Variants in NEXMIF observed in about 807,000 individuals in gnomAD.
NEXMIF encodes the protein neurite extension and migration factor, also known as XLMR protein related to neurite extension.
NEXMIF carries 8 observed loss-of-function variants against 62.1 expected under a neutral mutation model. The observed-to-expected ratio is 0.13, with a 90% CI of 0.08 to 0.23. The LOEUF is 0.23. NEXMIF is among the 10% of genes least tolerant of loss of function. NEXMIF has a pLI of 1.00. For missense variants in NEXMIF, 976 were observed against 1,113.3 expected (o/e 0.88, Z 1.75); for synonymous variants, 404 against 416.6 (o/e 0.97, Z 0.37).
At chrX:74,844,574 C>T (rs2080485273) in intron 1 of NEXMIF, among the ~76,000 whole-genome samples, 1 of 111,369 alleles carries the variant, frequency 9.0e-6, no homozygotes, top group Non-Finnish European at 1.9e-5. Flanking sequence ...ACACCTAATA[C>T]AGGGGGGCTA....
intron 1 of NEXMIF, among the ~76,000 whole-genome samples, chrX:74,898,409 G>A (rs1045077561): frequency 1.8e-5 from 2 of 111,551 alleles, no homozygotes; most frequent in Admixed American, 1.9e-4. Context: ...TCAAAAACAA[G>A]GAAAGCCTGA....
At chrX:74,853,878 A>G (rs772578257) in intron 1 of NEXMIF, among the ~76,000 whole-genome samples, 1 of 112,075 alleles carries the variant, frequency 8.9e-6, no homozygotes, top group East Asian at 2.8e-4. Context: ...CCAAGATTGA[A>G]TCAGGAAGAA....
chrX:74,835,018 T>C (rs12853772), intron 1 of NEXMIF, among the ~76,000 whole-genome samples: 1 of 111,914 alleles, frequency 8.9e-6, no homozygotes, highest in Non-Finnish European at 1.9e-5. Flanking sequence ...TCGTCTACTG[T>C]GTATTGTCAA....
chrX:74,921,119 C>T, intron 1 of NEXMIF, among the ~76,000 whole-genome samples: 1 of 111,427 alleles, frequency 9.0e-6, no homozygotes, highest in Non-Finnish European at 1.9e-5. Flanking sequence ...GCTTCTTTTC[C>T]ACCAGAGAAG....
intron 1 of NEXMIF, among the ~76,000 whole-genome samples, chrX:74,922,337 G>GGTGT (rs3040908): frequency 5.1e-4 from 51 of 100,588 alleles, no homozygotes; most frequent in East Asian, 3.2e-3. Flanking sequence ...GGGTGTTATG[G>GGTGT]GTGTGTGTGT....
intron 1 of NEXMIF, among the ~76,000 whole-genome samples, chrX:74,801,856 A>G (rs992534011): frequency 8.9e-6 from 1 of 111,737 alleles, no homozygotes; most frequent in African/African-American, 3.3e-5. Context: ...GTCTGAAACC[A>G]GGTAGTATTC....
rs980098452 is a variant in NEXMIF, at chrX:74,820,811, G to A, written c.-47-75114C>T. Among the ~76,000 whole-genome samples, 4 of 111,542 alleles carry A rather than the reference G, an allele frequency of 3.6e-5. No homozygotes were observed. The East Asian group carries it at 8.5e-4, about 24-fold the overall frequency. ...ACCACATATTCTCACTTACAAGTGG[G>A]AGCTAAACACATGGACATAAAGACG... On this transcript the variant is annotated intron_variant, in intron 1 of 3. Transcript: ENST00000055682.
At chrX:74,762,212 C>A (rs967353019) in intron 1 of NEXMIF, among the ~76,000 whole-genome samples, 1 of 105,565 alleles carries the variant, frequency 9.5e-6, no homozygotes, top group South Asian at 4.6e-4. Context: ...TGAGAACATG[C>A]GGTGTTTGGT....
At chrX:74,755,893 T>A (rs755001868) in intron 1 of NEXMIF, among the ~76,000 whole-genome samples, 47 of 110,215 alleles carry the variant, frequency 4.3e-4, no homozygotes, top group African/African-American at 1.3e-3. Flanking sequence ...AAATTAAAAA[T>A]TTTTTTTTTG....
At position 74,736,697 on chromosome X, in the gene NEXMIF, A is replaced by G. The variant is rs769676863; in HGVS notation, c.*2708T>C. The G allele has an allele frequency of 8.9e-6, 1 of 111,869 alleles. No homozygotes were observed. Among genetic ancestry groups the G allele is most frequent in the South Asian group, 3.8e-4 (1 of 2,638 alleles). 9.2% of individuals were successfully genotyped at this position (111,869 alleles called of 1,213,427 possible). ...ATTAAATGCAATTAAGAGAATAAAC[A>G]TCTTCTGCCTCGGCCTATTGCTCAT... is the stretch of plus-strand genomic sequence containing the variant. On this transcript the variant is annotated 3_prime_UTR_variant, in exon 4 of 4. Transcript: ENST00000055682.
chrX:74,741,311 T>C lies in NEXMIF; in HGVS notation c.3246A>G (p.Gln1082=), dbSNP rs2080102474. 1.7e-6 allele frequency: 2 copies of C among 1,209,023 alleles called. No homozygotes were observed. The highest frequency in any genetic ancestry group is 2.2e-6 in the Non-Finnish European group (2 of 894,988). ...SPPDTPSLSP[Q]ITRCESMKTL... ...TCTTCATACTCTCACATCTGGTAAT[T>C]TGAGGGGAAAGACTAGGGGTGTCCG... The change falls in exon 3 of 4, where the codon CAA becomes CAG. Residue 1082 remains glutamine (Q), a synonymous_variant. Coordinates refer to ENST00000055682, the MANE Select transcript of NEXMIF (RefSeq NM_001008537.3).
In NEXMIF at chrX:74,735,191, A is replaced by C. The variant is rs757650463; in HGVS notation, c.*4214T>G. On this transcript the variant is annotated 3_prime_UTR_variant, in exon 4 of 4. Coordinates refer to ENST00000055682, the MANE Select transcript of NEXMIF (RefSeq NM_001008537.3). ...CCCTAAATGAAAATGGTTACTCCTTAAATTAGATAATTTCTCAATAATAAA... is the reference window on the plus strand; with the variant it reads ...CCCTAAATGAAAATGGTTACTCCTTCAATTAGATAATTTCTCAATAATAAA... The C allele has an allele frequency of 8.9e-6, 1 of 112,105 alleles. No homozygotes were observed. Among genetic ancestry groups the C allele is most frequent in the Admixed American group, 9.5e-5 (1 of 10,473 alleles). The allele number at this position is 112,105 out of a possible 1,213,427, so 9.2% of individuals were successfully genotyped here. A position where few individuals can be genotyped will look rare whatever the true frequency, so the allele number is the denominator to read the frequency against.
chrX:74,784,146 G>A (rs1370774099), intron 1 of NEXMIF, among the ~76,000 whole-genome samples: 1 of 111,516 alleles, frequency 9.0e-6, no homozygotes. Flanking sequence ...TTCACTGTTG[G>A]TATTAGTTAC....
intron 1 of NEXMIF, among the ~76,000 whole-genome samples, chrX:74,829,006 C>A (rs144601657): frequency 0.024 from 2,635 of 111,706 alleles, 28 homozygotes; most frequent in Non-Finnish European, 0.039. Context: ...TAGGTCTAAG[C>A]AGGACAAATT....
chrX:74,891,189 C>T (rs2080716645), intron 1 of NEXMIF, among the ~76,000 whole-genome samples: 1 of 111,852 alleles, frequency 8.9e-6, no homozygotes, highest in African/African-American at 3.2e-5. Flanking sequence ...CTACCCTCTC[C>T]TGTGTGAACA....
chrX:74,885,842 CA>C (rs975361154), intron 1 of NEXMIF, among the ~76,000 whole-genome samples: 1 of 110,982 alleles, frequency 9.0e-6, no homozygotes, highest in Non-Finnish European at 1.9e-5. Flanking sequence ...AGAGACACAA[CA>C]AAAAAAGAGA....
intron 1 of NEXMIF, among the ~76,000 whole-genome samples, chrX:74,869,023 A>G (rs2039814889): frequency 9.0e-6 from 1 of 111,395 alleles, no homozygotes; most frequent in African/African-American, 3.3e-5. Context: ...ACAATGACAC[A>G]TCAAAAAAGA....
rs1251120608 is a variant in NEXMIF, at chrX:74,736,207, T to A, written c.*3198A>T. 1 of 111,441 alleles carries A rather than the reference T, an allele frequency of 9.0e-6. No individual in the cohort carries two copies. The highest frequency in any genetic ancestry group is 2.8e-4 in the East Asian group (1 of 3,573). The allele number at this position is 111,441 out of a possible 1,213,427, so 9.2% of individuals were successfully genotyped here. ...AAAAAAATTTAATTAAAAAATTAGA[T>A]TTGAAAATAGCCAAAGCAATTAAAG... On this transcript the variant is annotated 3_prime_UTR_variant, in exon 4 of 4. Transcript: ENST00000055682.
chrX:74,865,361 C>A (rs1170669977), intron 1 of NEXMIF, among the ~76,000 whole-genome samples: 1 of 111,654 alleles, frequency 9.0e-6, no homozygotes, highest in African/African-American at 3.3e-5. Context: ...GGCTCCTGCC[C>A]TAGAGATCTG....
Sources: allele counts gnomAD v4.1 joint callset (sites outside exome capture counted in the v4.1 genomes callset), GRCh38; gene constraint gnomAD v4.1.1; transcripts MANE v1.5; gene names NCBI Gene and HGNC (gene_info 2026-07-23, HGNC 2026-07-21).